The following RBFOX1 variants were observed in gnomAD, a reference collection of about 807,000 sequenced individuals.
RBFOX1 encodes RNA binding fox-1 homolog 1.
In RBFOX1, 8 loss-of-function variants were observed where a neutral mutation model predicts 57.7. The observed-to-expected ratio is 0.14, with a 90% CI of 0.08 to 0.25. The LOEUF (loss-of-function observed/expected upper bound fraction) is 0.25, where lower values mean the gene tolerates loss of function less well. Among genes scored for constraint, RBFOX1 ranks in the 10% least tolerant of loss-of-function variants. The pLI is 1.00. For missense variants in RBFOX1, 611 were observed against 548.5 expected (o/e 1.11, Z -1.14); for synonymous variants, 326 against 222.4 (o/e 1.47, Z -4.15).
intron 2 of RBFOX1, among the ~76,000 whole-genome samples, chr16:6,382,372 T>G (rs2091895508): frequency 6.6e-6 from 1 of 152,218 alleles, no homozygotes; most frequent in Non-Finnish European, 1.5e-5. Flanking sequence ...GTTGTGTTTT[T>G]GTGCTTGCTT....
chr16:7,670,764 G>A (rs1386769817), intron 13 of RBFOX1, among the ~76,000 whole-genome samples: 2 of 152,260 alleles, frequency 1.3e-5, no homozygotes, highest in East Asian at 1.9e-4. Context: ...CAAGTGTTCA[G>A]CCATCTCAGT....
At chr16:6,003,798 G>A (rs919105600) in intron 4 of RBFOX1, among the ~76,000 whole-genome samples, 1 of 152,206 alleles carries the variant, frequency 6.6e-6, no homozygotes, top group Non-Finnish European at 1.5e-5. Flanking sequence ...CACACAAGTG[G>A]TCAAATGAGT....
Position 7,183,226 on chromosome 16 carries a change from C to A in RBFOX1, c.27+131128C>A, listed in dbSNP as rs187962525. On this transcript the variant is annotated intron_variant, in intron 4 of 15. Transcript: ENST00000550418. ...CTGCCTGTGTCTGAAGGGAGGTGTA[C>A]TTGATTTGGGGAGAAAAAGAAGCCA... Among the ~76,000 whole-genome samples the A allele has an allele frequency of 1.0e-3, 152 of 152,228 alleles. 1 individual carries two copies. Among genetic ancestry groups the A allele is most frequent in the African/African-American group, 3.6e-3 (149 of 41,536 alleles).
At chr16:5,438,097 A>G (rs950468398) in intron 1 of RBFOX1, among the ~76,000 whole-genome samples, 1 of 152,250 alleles carries the variant, frequency 6.6e-6, no homozygotes, top group African/African-American at 2.4e-5. Flanking sequence ...ACATTGGCAC[A>G]TTTGTAGTTT....
chr16:7,651,189 A>G lies in RBFOX1; in HGVS notation c.758-2626A>G, dbSNP rs777207143. Among the ~76,000 whole-genome samples, 10 of 152,244 alleles carry G rather than the reference A, an allele frequency of 6.6e-5. 1 individual carries two copies. Among genetic ancestry groups the G allele is most frequent in the South Asian group, 2.1e-4 (1 of 4,834 alleles). On this transcript the variant is annotated intron_variant, in intron 11 of 15. Transcript: ENST00000550418. ...GTGATAGAAAGATGCGGTAGAATCC[A>G]TAGAACAGGACGGCTGTGGGACCTT...
At chr16:6,257,410 T>TTTC in intron 1 of RBFOX1, among the ~76,000 whole-genome samples, 1 of 152,246 alleles carries the variant, frequency 6.6e-6, no homozygotes, top group African/African-American at 2.4e-5. Flanking sequence ...TGATGTTGAA[T>TTTC]TTCTTCTTCT....
intron 2 of RBFOX1, among the ~76,000 whole-genome samples, chr16:6,358,584 G>T (rs747663259): frequency 6.6e-6 from 1 of 152,190 alleles, no homozygotes; most frequent in South Asian, 2.1e-4. Flanking sequence ...CTATGAGCCA[G>T]ATTCTTTACA....
At chr16:7,190,820 C>G (rs556088592) in intron 4 of RBFOX1, among the ~76,000 whole-genome samples, 4 of 152,238 alleles carry the variant, frequency 2.6e-5, no homozygotes, top group South Asian at 4.1e-4. Flanking sequence ...GTAACAGTTA[C>G]GTTGAGCTTA....
intron 1 of RBFOX1, among the ~76,000 whole-genome samples, chr16:5,247,112 C>G (rs1185093237): frequency 6.6e-6 from 1 of 152,156 alleles, no homozygotes; most frequent in African/African-American, 2.4e-5. Flanking sequence ...TTTTTGAAGG[C>G]TGAATAGTAT....
intron 4 of RBFOX1, among the ~76,000 whole-genome samples, chr16:6,004,553 G>T (rs1262333738): frequency 6.6e-6 from 1 of 152,184 alleles, no homozygotes; most frequent in Admixed American, 6.5e-5. Context: ...AGGTTTTAAT[G>T]ATGGGAATAT....
chr16:6,984,612 C>T (rs1441529672), intron 3 of RBFOX1, among the ~76,000 whole-genome samples: 2 of 151,944 alleles, frequency 1.3e-5, no homozygotes, highest in Non-Finnish European at 2.9e-5. Flanking sequence ...TTAGCTCTGC[C>T]CAGTGAGTTT....
chr16:7,153,854 T>G (rs1210083928), intron 4 of RBFOX1, among the ~76,000 whole-genome samples: 1 of 152,122 alleles, frequency 6.6e-6, no homozygotes, highest in Non-Finnish European at 1.5e-5. Context: ...TATCAGATGT[T>G]TTTGTTCTTG....
chr16:7,311,439 G>A (rs1183653413), intron 4 of RBFOX1, among the ~76,000 whole-genome samples: 1 of 150,332 alleles, frequency 6.7e-6, no homozygotes, highest in African/African-American at 2.4e-5. Context: ...CAGGCCTGAT[G>A]AGTAAATGCA....
intron 4 of RBFOX1, among the ~76,000 whole-genome samples, chr16:7,246,420 T>C (rs7498354): frequency 0.65 from 97,979 of 151,568 alleles, 33,445 homozygotes; most frequent in African/African-American, 0.88. Flanking sequence ...GAATGTGTGA[T>C]TTTTTTAGTG....
chr16:6,928,856 C>T (rs1283924437), intron 3 of RBFOX1, among the ~76,000 whole-genome samples: 2 of 152,096 alleles, frequency 1.3e-5, no homozygotes, highest in African/African-American at 2.4e-5. Context: ...TTAAAACCAC[C>T]ACCACCACCA....
intron 1 of RBFOX1, among the ~76,000 whole-genome samples, chr16:6,210,345 C>CAAAAAAAAAAAAAAAAAA (rs770814967): frequency 7.7e-5 from 2 of 26,020 alleles, no homozygotes; most frequent in South Asian, 1.5e-3. Flanking sequence ...AACAAAAAAA[C>CAAAAAAAAAAAAAAAAAA]AAAAAAAAAA....
At chr16:6,386,515 C>T (rs1468172440) in intron 2 of RBFOX1, among the ~76,000 whole-genome samples, 1 of 152,150 alleles carries the variant, frequency 6.6e-6, no homozygotes, top group Non-Finnish European at 1.5e-5. Flanking sequence ...ATGATTCCTG[C>T]ACCTTTTCGA....
intron 4 of RBFOX1, among the ~76,000 whole-genome samples, chr16:7,283,395 G>T (rs80097368): frequency 0.01 from 1,551 of 152,104 alleles, 25 homozygotes; most frequent in African/African-American, 0.034. Flanking sequence ...TGTCCACCAT[G>T]AGTTCCCACA....
chr16:6,103,546 A>G (rs1288872388), intron 1 of RBFOX1, among the ~76,000 whole-genome samples: 1 of 152,178 alleles, frequency 6.6e-6, no homozygotes, highest in Non-Finnish European at 1.5e-5. Context: ...ATACAAAGCC[A>G]TGAACAAGTT....
Sources: gnomAD v4.1 joint callset for allele counts (sites outside exome capture counted in the v4.1 genomes callset) on GRCh38, gnomAD v4.1.1 for gene constraint, MANE v1.5 for transcripts, NCBI Gene and HGNC (gene_info 2026-07-23, HGNC 2026-07-21) for gene names.